FAM193A: variants seen among roughly 807,000 people sequenced by gnomAD.
FAM193A encodes family with sequence similarity 193 member A, also known as protein FAM193A.
FAM193A carries 22 observed loss-of-function variants against 126.5 expected under a neutral mutation model. That is an observed-to-expected ratio of 0.17 (90% CI 0.12 to 0.25). The LOEUF is 0.25. Ranked by LOEUF, FAM193A falls within the 10% of genes least tolerant of loss-of-function variation. The pLI, the probability that FAM193A is intolerant of heterozygous loss-of-function variation, is 1.00. For synonymous variants in FAM193A, 761 were observed against 646.8 expected, an observed-to-expected ratio of 1.18 and a Z score of -2.68; for missense variants, 1,675 against 1,672.8, an observed-to-expected ratio of 1.00 and a Z score of -0.02.
chr4:2,647,152 TC>T (rs1447161352), intron 7 of FAM193A, among the ~76,000 whole-genome samples: 3 of 152,032 alleles, frequency 2.0e-5, no homozygotes, highest in African/African-American at 7.2e-5. Flanking sequence ...AGGAGGTTTT[TC>T]TTTTTTTTTG....
At position 2,696,530 on chromosome 4, in the gene FAM193A, C is replaced by T; in HGVS notation, c.3444C>T (p.Ser1148=). ...AGGATTTGTTGCAGTTTATAAATAG[C>T]TCCGAAACCAAACCAGTGAGCAGCA... ...RVEDLLQFIN[S]SETKPVSSTR... The change falls in exon 18 of 21, where the codon AGC becomes AGT. Residue 1148 remains serine (S), a synonymous_variant. Coordinates refer to ENST00000637812, the MANE Select transcript of FAM193A (RefSeq NM_001366318.2). 6.2e-7 allele frequency: 1 copy of T among 1,614,218 alleles called. No homozygotes were observed. The highest frequency in any genetic ancestry group is 8.5e-7 in the Non-Finnish European group (1 of 1,180,042).
intron 3 of FAM193A, among the ~76,000 whole-genome samples, chr4:2,625,776 G>C (rs1742901072): frequency 6.7e-6 from 1 of 149,888 alleles, no homozygotes; most frequent in African/African-American, 2.5e-5. Context: ...CCCCAGGCCG[G>C]AGGGCAGTGG....
chr4:2,549,854 A>G (rs374320767), intron 1 of FAM193A, among the ~76,000 whole-genome samples: 6 of 150,884 alleles, frequency 4.0e-5, no homozygotes, highest in African/African-American at 1.5e-4. Flanking sequence ...CACCCTCCCA[A>G]GTAGCTGGGA....
In FAM193A at chr4:2,675,217, C is replaced by T. The variant is rs571558032; in HGVS notation, c.2331+2845C>T. On this transcript the variant is annotated intron_variant, in intron 13 of 20. Transcript: ENST00000637812. ...AGCTTCAGAGGAATATGTGTTCTGCCGTTGTTCAGTGAAGTGGTCTTCAGA... is the reference window on the plus strand; with the variant it reads ...AGCTTCAGAGGAATATGTGTTCTGCTGTTGTTCAGTGAAGTGGTCTTCAGA... Among the ~76,000 whole-genome samples, 5 of 152,186 alleles carry T rather than the reference C, an allele frequency of 3.3e-5. No individual in the cohort carries two copies. In the East Asian group the frequency reaches 7.7e-4, roughly 23 times the overall value.
Position 2,625,472 on chromosome 4 carries a change from A to T in FAM193A, c.635+77A>T, listed in dbSNP as rs115161487. ...ACCTGCATATTGGAGCTGGACGGAGAAACTGGGCTAATGTGACAGACAGCA... is the reference window on the plus strand; with the variant it reads ...ACCTGCATATTGGAGCTGGACGGAGTAACTGGGCTAATGTGACAGACAGCA... On this transcript the variant is annotated intron_variant, in intron 3 of 20. Transcript: ENST00000637812. The T allele has an allele frequency of 8.5e-3, 5,228 of 611,650 alleles. 84 individuals are homozygous for T. The highest frequency in any genetic ancestry group is 0.048 in the African/African-American group (2,631 of 54,980). 37.9% of individuals were successfully genotyped at this position (611,650 alleles called of 1,614,324 possible). A position where few individuals can be genotyped will look rare whatever the true frequency, so the allele number is the denominator to read the frequency against.
chr4:2,680,765 C>A (rs1345163227), intron 13 of FAM193A, among the ~76,000 whole-genome samples: 1 of 152,100 alleles, frequency 6.6e-6, no homozygotes, highest in Non-Finnish European at 1.5e-5. Context: ...CCTCAGCCTC[C>A]CATATAGTTG....
chr4:2,598,907 G>C (rs1442098494), intron 2 of FAM193A, among the ~76,000 whole-genome samples: 1 of 152,214 alleles, frequency 6.6e-6, no homozygotes, highest in African/African-American at 2.4e-5. Flanking sequence ...GGGCAGCTCT[G>C]TGCTCACGGC....
At chr4:2,718,186 T>G (rs958588067) in intron 20 of FAM193A, among the ~76,000 whole-genome samples, 17 of 151,490 alleles carry the variant, frequency 1.1e-4, no homozygotes, top group Non-Finnish European at 1.0e-4. Flanking sequence ...ATAAGAGAGA[T>G]AATGAAATAG....
At chr4:2,731,368 A>G (rs1211692417) in intron 20 of FAM193A, among the ~76,000 whole-genome samples, 1 of 151,676 alleles carries the variant, frequency 6.6e-6, no homozygotes, top group African/African-American at 2.4e-5. Context: ...CCTGTCTCAA[A>G]AAAAAAAGGA....
At chr4:2,718,732 T>A (rs973040048) in intron 20 of FAM193A, among the ~76,000 whole-genome samples, 1 of 147,434 alleles carries the variant, frequency 6.8e-6, no homozygotes, top group Non-Finnish European at 1.5e-5. Flanking sequence ...CAAAAATAAA[T>A]TTTTTTTTTT....
At chr4:2,723,900 A>T (rs974049481) in intron 20 of FAM193A, among the ~76,000 whole-genome samples, 1 of 152,138 alleles carries the variant, frequency 6.6e-6, no homozygotes, top group East Asian at 1.9e-4. Flanking sequence ...CACCAGGCCC[A>T]GGTGATCTTT....
At chr4:2,657,678 G>T (rs531932260) in intron 7 of FAM193A, 125 bp from the exon 8 acceptor site, 56 of 632,972 alleles carry the variant, frequency 8.8e-5, no homozygotes, top group African/African-American at 8.8e-4. Context: ...TCTTTATTCT[G>T]TTTGCAGATG....
intron 1 of FAM193A, among the ~76,000 whole-genome samples, chr4:2,586,755 G>A (rs183723841): frequency 9.2e-5 from 14 of 152,312 alleles, no homozygotes; most frequent in Admixed American, 8.5e-4. Context: ...CTGGGCTCAA[G>A]CAATCTTCCC....
intron 20 of FAM193A, among the ~76,000 whole-genome samples, chr4:2,716,815 T>G (rs1276394089): frequency 6.6e-6 from 1 of 151,994 alleles, no homozygotes; most frequent in African/African-American, 2.4e-5. Context: ...TAGCTGGGAT[T>G]ACAGGCGCCC....
At chr4:2,700,904 G>T (rs1053100522) in intron 19 of FAM193A, among the ~76,000 whole-genome samples, 4 of 152,186 alleles carry the variant, frequency 2.6e-5, no homozygotes, top group African/African-American at 4.8e-5. Context: ...GGCAGAGATT[G>T]CAGTGAGCCA....
chr4:2,627,277 C>T (rs1432929971), intron 4 of FAM193A, among the ~76,000 whole-genome samples: 1 of 150,470 alleles, frequency 6.6e-6, no homozygotes, highest in African/African-American at 2.4e-5. Context: ...TCTTATGTCT[C>T]AGCCTCCAGA....
intron 20 of FAM193A, among the ~76,000 whole-genome samples, chr4:2,728,792 A>G (rs921742608): frequency 7.2e-5 from 11 of 152,198 alleles, no homozygotes; most frequent in African/African-American, 2.2e-4. Context: ...AAATGAAACC[A>G]TATACTCAGA....
At chr4:2,644,288 C>T (rs1183367595) in intron 6 of FAM193A, among the ~76,000 whole-genome samples, 1 of 152,162 alleles carries the variant, frequency 6.6e-6, no homozygotes, top group Non-Finnish European at 1.5e-5. Context: ...GAGATAAATT[C>T]TTACTTCCAG....
At chr4:2,719,715 A>G (rs1315403257) in intron 20 of FAM193A, among the ~76,000 whole-genome samples, 2 of 148,908 alleles carry the variant, frequency 1.3e-5, no homozygotes, top group Middle Eastern at 6.9e-3. Context: ...ATTGTACTCC[A>G]GCCTGGGCAA....
Sources: allele counts gnomAD v4.1 joint callset (sites outside exome capture counted in the v4.1 genomes callset), GRCh38; gene constraint gnomAD v4.1.1; transcripts MANE v1.5; gene names NCBI Gene and HGNC (gene_info 2026-07-23, HGNC 2026-07-21).